Variants in FMN2 observed in about 807,000 individuals in gnomAD.
FMN2 encodes formin-2.
Under a neutral mutation model 142.3 loss-of-function variants are expected in FMN2, and 51 were observed. That is an observed-to-expected ratio of 0.36 (90% CI 0.29 to 0.45). The LOEUF is 0.45. FMN2 is among the 20% of genes least tolerant of loss of function. The probability of loss-of-function intolerance (pLI) is 1.00; values close to 1 mark genes in which losing one functional copy is unlikely to be tolerated. For missense variants in FMN2, 1,936 were observed against 2,122.8 expected (o/e 0.91, Z 1.73); for synonymous variants, 882 against 869.8 (o/e 1.01, Z -0.25).
At chr1:240,337,728 G>T (rs1366971592) in intron 13 of FMN2, among the ~76,000 whole-genome samples, 1 of 152,142 alleles carries the variant, frequency 6.6e-6, no homozygotes, top group Non-Finnish European at 1.5e-5. Flanking sequence ...TTCTGTTTCT[G>T]CTTAGAGACT....
intron 2 of FMN2, chr1:240,142,742 A>G: frequency 9.3e-6 from 15 of 1,608,978 alleles, no homozygotes; most frequent in Non-Finnish European, 1.3e-5. Flanking sequence ...GAAACTCCTC[A>G]GTGGCCAATT....
chr1:240,235,332 C>T (rs1419319386), intron 6 of FMN2, among the ~76,000 whole-genome samples: 5 of 152,204 alleles, frequency 3.3e-5, no homozygotes, highest in Admixed American at 2.0e-4. Context: ...GTTAATATTG[C>T]TATGATATTC....
chr1:240,460,072 G>T (rs1187323142), intron 16 of FMN2, among the ~76,000 whole-genome samples: 1 of 152,160 alleles, frequency 6.6e-6, no homozygotes, highest in Non-Finnish European at 1.5e-5. Context: ...GAATGTGGTG[G>T]TTGTTTTTTC....
At chr1:240,179,648 C>T (rs1665071810) in intron 3 of FMN2, 1 of 152,254 alleles carries the variant, frequency 6.6e-6, no homozygotes, top group South Asian at 2.1e-4. Context: ...ATGATAGCAC[C>T]TGAAAATCAA....
Position 240,404,969 on chromosome 1 carries a change from A to G in FMN2, c.4910+12407A>G, listed in dbSNP as rs150304058. ...TCAAAGAATTCCTGCCCTTTGGAAA[A>G]GTTATGTTGTAAAAATGGAAGCTTT... On this transcript the variant is annotated intron_variant, in intron 15 of 17. Transcript: ENST00000319653. Among the ~76,000 whole-genome samples the G allele has an allele frequency of 9.8e-3, 1,492 of 152,306 alleles. 10 individuals carry two copies. Among genetic ancestry groups the G allele is most frequent in the Middle Eastern group, 0.027 (8 of 294 alleles).
chr1:240,286,400 G>A (rs1272089762), intron 7 of FMN2, among the ~76,000 whole-genome samples: 4 of 152,186 alleles, frequency 2.6e-5, no homozygotes, highest in Non-Finnish European at 4.4e-5. Flanking sequence ...GTAACTGACT[G>A]ACTGGCAGCA....
At chr1:240,456,854 C>A (rs17631686) in intron 16 of FMN2, among the ~76,000 whole-genome samples, 12 of 152,038 alleles carry the variant, frequency 7.9e-5, no homozygotes. Flanking sequence ...ATTCACTGGG[C>A]CTTATTCTGC....
intron 8 of FMN2, among the ~76,000 whole-genome samples, chr1:240,328,559 TTTTATTTATTTA>T (rs200121171): frequency 0.016 from 2,200 of 140,364 alleles, 22 homozygotes; most frequent in Middle Eastern, 0.023. Flanking sequence ...TTACACTTTA[TTTTATTTATTTA>T]TTTATTTATT....
chr1:240,188,121 AT>A, intron 3 of FMN2, 85 bp from the exon 4 acceptor site: 1 of 1,325,836 alleles, frequency 7.5e-7, no homozygotes, highest in Non-Finnish European at 1.1e-6. Flanking sequence ...TTAATGATAT[AT>A]TTTAGTGAAA....
At chr1:240,124,773 T>C (rs1662430929) in intron 2 of FMN2, among the ~76,000 whole-genome samples, 2 of 152,148 alleles carry the variant, frequency 1.3e-5, no homozygotes, top group Admixed American at 1.3e-4. Flanking sequence ...GTTCAAGCGA[T>C]TCTCCTGCCT....
At chr1:240,417,433 T>C (rs1225605190) in intron 15 of FMN2, among the ~76,000 whole-genome samples, 1 of 151,564 alleles carries the variant, frequency 6.6e-6, no homozygotes, top group Admixed American at 6.6e-5. Context: ...CTTGAGAGGG[T>C]TTTGTTTTGT....
At chr1:240,396,065 T>G (rs1673760099) in intron 15 of FMN2, among the ~76,000 whole-genome samples, 1 of 152,250 alleles carries the variant, frequency 6.6e-6, no homozygotes, top group South Asian at 2.1e-4. Flanking sequence ...CAAAAAGATA[T>G]TAAGTCACTG....
rs1381953830 is a variant in FMN2 at position 240,276,613 on chromosome 1, CTATT to C, written c.4154-18208_4154-18205del. 5.9e-5 allele frequency among the ~76,000 whole-genome samples: 9 copies of C among 152,200 alleles called. No homozygotes were observed. The East Asian group carries it at 1.7e-3, about 29-fold the overall frequency. ...TATTGTTAGTGGAAGATGCAGTTAT[CTATT>C]GGGGTGTGTGTCAGTGTTTTCCATC... is the stretch of plus-strand genomic sequence containing the variant. On this transcript the variant is annotated intron_variant, in intron 7 of 17. Transcript: ENST00000319653.
chr1:240,101,491 C>CGT (rs140467095), intron 1 of FMN2, among the ~76,000 whole-genome samples: 2,388 of 150,558 alleles, frequency 0.016, 33 homozygotes, highest in East Asian at 0.043. Flanking sequence ...ACAATAGGAC[C>CGT]GTGTGTGTGT....
In FMN2 at chr1:240,258,032, GGTAA is replaced by G. The variant is rs1452292030; in HGVS notation, c.4153+3_4153+6del. 1 of 1,603,730 alleles carries G rather than the reference GGTAA, an allele frequency of 6.2e-7. No homozygotes were observed. The highest frequency in any genetic ancestry group is 8.5e-7 in the Non-Finnish European group (1 of 1,175,522). ...TTTAGATATGAAAGACATACAACAT[GGTAA>G]GTGTCAAAATGAAAATTTAGCTTCT... On this transcript the variant is annotated splice_donor_variant and splice_donor_region_variant and intron_variant, in intron 7 of 17. Transcript: ENST00000319653. LOFTEE classifies it high-confidence loss of function.
intron 8 of FMN2, among the ~76,000 whole-genome samples, chr1:240,296,911 G>T (rs763293090): frequency 6.6e-5 from 10 of 152,164 alleles, no homozygotes; most frequent in Non-Finnish European, 1.2e-4. Flanking sequence ...ACTGGAAAAA[G>T]TAAATCGTGT....
intron 4 of FMN2, among the ~76,000 whole-genome samples, chr1:240,200,907 C>T (rs1666098705): frequency 6.6e-6 from 1 of 152,044 alleles, no homozygotes; most frequent in Non-Finnish European, 1.5e-5. Context: ...AATTTTTTGA[C>T]TCTTCCACCT....
intron 16 of FMN2, among the ~76,000 whole-genome samples, chr1:240,445,521 A>G (rs746970455): frequency 1.2e-4 from 19 of 152,176 alleles, no homozygotes; most frequent in Admixed American, 6.5e-4. Context: ...CTGTATGAGC[A>G]TTCCGGGTAG....
Position 240,230,794 on chromosome 1 carries a change from A to C in FMN2, c.4065+19559A>C, listed in dbSNP as rs1366716736. Among the ~76,000 whole-genome samples, 2 of 131,926 alleles carry C rather than the reference A, an allele frequency of 1.5e-5. 1 individual carries two copies. The highest frequency in any genetic ancestry group is 6.5e-5 in the African/African-American group (2 of 30,896). The allele number at this position is 131,926 out of a possible 152,430, so 86.5% of individuals were successfully genotyped here. A position where few individuals can be genotyped will look rare whatever the true frequency, so the allele number is the denominator to read the frequency against. ...ATTACCCCTGTAAGTAAAGCTTTTCATAATTAGGATGGAATTTTGCCTGCT... is the reference window on the plus strand; with the variant it reads ...ATTACCCCTGTAAGTAAAGCTTTTCCTAATTAGGATGGAATTTTGCCTGCT... On this transcript the variant is annotated intron_variant, in intron 6 of 17. Coordinates refer to ENST00000319653, the MANE Select transcript of FMN2 (RefSeq NM_020066.5).
Sources: allele counts gnomAD v4.1 joint callset (sites outside exome capture counted in the v4.1 genomes callset), GRCh38; gene constraint gnomAD v4.1.1; transcripts MANE v1.5; gene names NCBI Gene and HGNC (gene_info 2026-07-23, HGNC 2026-07-21).